Variants in HEATR5B observed in about 807,000 individuals in gnomAD.
The protein encoded by HEATR5B is HEAT repeat containing 5B, also known as HEAT repeat-containing protein 5B.
HEATR5B carries 156 observed loss-of-function variants against 224.1 expected under a neutral mutation model. The observed-to-expected ratio is 0.70, with a 90% CI of 0.61 to 0.80. HEATR5B has a LOEUF of 0.80. Ranked by LOEUF, HEATR5B falls within the 30% of genes least tolerant of loss-of-function variation. The pLI is 0.00. For synonymous variants in HEATR5B, 1,027 were observed against 893.0 expected, an observed-to-expected ratio of 1.15 and a Z score of -2.68; for missense variants, 2,323 against 2,535.5, an observed-to-expected ratio of 0.92 and a Z score of 1.80.
intron 31 of HEATR5B, 136 bp downstream of exon 31, chr2:37,003,406 A>C: frequency 1.7e-6 from 1 of 590,712 alleles, no homozygotes; most frequent in Non-Finnish European, 2.8e-6. Flanking sequence ...ATTGCGCTCC[A>C]GCTTGGGTGA....
intron 15 of HEATR5B, 52 bp downstream of exon 15, chr2:37,057,265 G>C: frequency 2.2e-6 from 3 of 1,362,416 alleles, no homozygotes; most frequent in Non-Finnish European, 3.0e-6. Flanking sequence ...ATGTGTAATA[G>C]GACCATTGTT....
At chr2:37,070,198 C>A in intron 7 of HEATR5B, 32 bp downstream of exon 7, 2 of 1,611,016 alleles carry the variant, frequency 1.2e-6, no homozygotes, top group East Asian at 2.2e-5. Context: ...CCGTGCCTGG[C>A]CAAAATTCTT....
chr2:36,996,067 T>C (rs1306779667), intron 33 of HEATR5B, among the ~76,000 whole-genome samples: 1 of 150,390 alleles, frequency 6.6e-6, no homozygotes, highest in African/African-American at 2.4e-5. Flanking sequence ...TGCAATTCTT[T>C]TTTTTTTTTT....
chr2:37,050,599 AT>A (rs1393193391), intron 17 of HEATR5B, among the ~76,000 whole-genome samples: 2 of 152,270 alleles, frequency 1.3e-5, no homozygotes, highest in Non-Finnish European at 2.9e-5. Context: ...TAACAAAAAA[AT>A]AATTTCAGAA....
intron 27 of HEATR5B, 38 bp from the exon 28 acceptor site, chr2:37,008,886 A>G (rs1558724893): frequency 8.4e-7 from 1 of 1,187,722 alleles, no homozygotes; most frequent in Non-Finnish European, 1.2e-6. Context: ...AGTAAGGCAT[A>G]AGATAAAAAA....
intron 35 of HEATR5B, among the ~76,000 whole-genome samples, chr2:36,986,048 G>A (rs891018374): frequency 4.6e-5 from 7 of 152,018 alleles, no homozygotes; most frequent in African/African-American, 1.7e-4. Context: ...TGCCTGTAAA[G>A]GAATTGATCC....
chr2:37,001,954 A>G (rs551513417), intron 32 of HEATR5B, among the ~76,000 whole-genome samples: 1 of 152,346 alleles, frequency 6.6e-6, no homozygotes, highest in East Asian at 1.9e-4. Flanking sequence ...GGCATGAGCC[A>G]CCGCACCTGG....
chr2:37,020,764 T>C lies in HEATR5B; in HGVS notation c.3926A>G (p.Gln1309Arg). Reference protein sequence around the residue: ...AFMAATDHSNQLRMAGLQALE... With the variant: ...AFMAATDHSNRLRMAGLQALE... ...CGCCTGGAGCCCAGCCATTCGCAGCTGGTTGCTATGATCAGTTGCAGCCAT... is the reference window on the plus strand; with the variant it reads ...CGCCTGGAGCCCAGCCATTCGCAGCCGGTTGCTATGATCAGTTGCAGCCAT... Residue 1309 changes from glutamine (Q) to arginine (R), a missense_variant, in exon 25 of 36, where the codon CAG becomes CGG. By Grantham distance (43) the Gln-to-Arg change is conservative. This residue lies in a region of HEATR5B where 339 missense variants were observed against 378.4 expected (regional missense o/e 0.90). Coordinates refer to ENST00000233099, the MANE Select transcript of HEATR5B (RefSeq NM_019024.3). 6.2e-7 allele frequency: 1 copy of C among 1,610,272 alleles called. No individual in the cohort carries two copies. Among genetic ancestry groups the C allele is most frequent in the Non-Finnish European group, 8.5e-7 (1 of 1,179,310 alleles).
At chr2:37,078,486 C>T (rs2148607258) in intron 3 of HEATR5B, among the ~76,000 whole-genome samples, 2 of 152,294 alleles carry the variant, frequency 1.3e-5, no homozygotes, top group East Asian at 3.9e-4. Flanking sequence ...TGGCAGTGAA[C>T]TAAATCATTA....
At chr2:37,081,911 A>C (rs1672594749) in intron 2 of HEATR5B, among the ~76,000 whole-genome samples, 1 of 4,802 alleles carries the variant, frequency 2.1e-4, no homozygotes, top group African/African-American at 2.5e-4. Context: ...ACAGAAACCT[A>C]AAATACTAAG....
chr2:36,992,071 G>A (rs1467457325), intron 33 of HEATR5B, among the ~76,000 whole-genome samples: 1 of 152,092 alleles, frequency 6.6e-6, no homozygotes, highest in Non-Finnish European at 1.5e-5. Context: ...GGTGGCACAC[G>A]CCTGTAATCC....
intron 35 of HEATR5B, among the ~76,000 whole-genome samples, chr2:36,985,719 T>C (rs939881822): frequency 1.3e-5 from 2 of 150,702 alleles, no homozygotes; most frequent in African/African-American, 4.9e-5. Flanking sequence ...TCCGCTTTGG[T>C]CTCCCAAAGT....
At chr2:36,991,047 G>C (rs1440667096) in intron 33 of HEATR5B, among the ~76,000 whole-genome samples, 1 of 152,020 alleles carries the variant, frequency 6.6e-6, no homozygotes, top group African/African-American at 2.4e-5. Context: ...AGTAGTACTT[G>C]CCTTAATCTA....
At chr2:36,997,448 C>G (rs1347438572) in intron 33 of HEATR5B, among the ~76,000 whole-genome samples, 2 of 152,128 alleles carry the variant, frequency 1.3e-5, no homozygotes, top group African/African-American at 4.8e-5. Flanking sequence ...CTCAGCCTCC[C>G]AAAGGGCTGG....
chr2:37,014,048 G>C, intron 26 of HEATR5B, 28 bp from the exon 27 acceptor site: 2 of 1,376,272 alleles, frequency 1.5e-6, no homozygotes, highest in Admixed American at 2.5e-5. Context: ...AAAAACTTTT[G>C]TGTAAAAAAA....
chr2:37,054,960 A>ACAGGTCT (rs1188459475), intron 16 of HEATR5B: 7 of 182,534 alleles, frequency 3.8e-5, no homozygotes, highest in East Asian at 1.7e-4. Context: ...ATACTAGTCT[A>ACAGGTCT]CAGGTCTCAG....
chr2:37,068,866 A>C lies in HEATR5B; in HGVS notation c.992T>G (p.Leu331Arg), dbSNP rs1327078783. Reference sequence around the variant, plus strand: ...GGAAACCAGATCAAGTACATGGGACAGGAACGTGGCAAAGCTGCGCTCCAA... The same window carrying C: ...GGAAACCAGATCAAGTACATGGGACCGGAACGTGGCAAAGCTGCGCTCCAA... ...QWLERSFATF[L>R]SHVLDLVSHP... Residue 331 changes from leucine (L) to arginine (R), a missense_variant, in exon 8 of 36, where the codon CTG (leucine) becomes CGG (arginine). By Grantham distance (102) the Leu-to-Arg change is moderately radical. Transcript: ENST00000233099. 1 of 1,614,192 alleles carries C rather than the reference A, an allele frequency of 6.2e-7. No individual in the cohort carries two copies. The highest frequency in any genetic ancestry group is 1.7e-5 in the Admixed American group (1 of 60,016).
At chr2:36,991,140 A>T (rs1231900844) in intron 33 of HEATR5B, among the ~76,000 whole-genome samples, 1 of 152,226 alleles carries the variant, frequency 6.6e-6, no homozygotes, top group Non-Finnish European at 1.5e-5. Context: ...TTATTATAAA[A>T]TATTCTAACT....
chr2:37,010,716 G>C (rs193185727), intron 27 of HEATR5B, among the ~76,000 whole-genome samples: 1 of 151,894 alleles, frequency 6.6e-6, no homozygotes, highest in Non-Finnish European at 1.5e-5. Context: ...GTTTCTCCAC[G>C]TTGGCCAGGC....
Sources: allele counts gnomAD v4.1 joint callset (sites outside exome capture counted in the v4.1 genomes callset), GRCh38; gene constraint gnomAD v4.1.1; regional missense constraint gnomAD v4.1.1; transcripts MANE v1.5; gene names NCBI Gene and HGNC (gene_info 2026-07-23, HGNC 2026-07-21).